Variants in ATXN2 observed in about 807,000 individuals in gnomAD.
The protein encoded by ATXN2 is ataxin 2.
In ATXN2, 37 loss-of-function variants were observed where a neutral mutation model predicts 138.6. The observed-to-expected ratio is 0.27, with a 90% confidence interval of 0.21 to 0.35. ATXN2 has a LOEUF of 0.35. ATXN2 is among the 10% of genes least tolerant of loss of function. The pLI, the probability that ATXN2 is intolerant of heterozygous loss-of-function variation, is 1.00. For missense variants in ATXN2, 1,216 were observed against 1,480.3 expected (o/e 0.82, Z 2.93); for synonymous variants, 549 against 543.7 (o/e 1.01, Z -0.13).
chr12:111,513,202 C>T (rs931280179), intron 11 of ATXN2, 155 bp downstream of exon 11: 7 of 799,608 alleles, frequency 8.8e-6, no homozygotes, highest in Non-Finnish European at 1.3e-5. Flanking sequence ...GTGGTAGAGC[C>T]CAGAATAAAA....
At chr12:111,565,995 C>CAAAA (rs879709372) in intron 1 of ATXN2, among the ~76,000 whole-genome samples, 1 of 105,950 alleles carries the variant, frequency 9.4e-6, no homozygotes. Flanking sequence ...GATTCTGTCT[C>CAAAA]AAAAAAAAAA....
At chr12:111,505,680 A>C (rs1879060480) in intron 14 of ATXN2, among the ~76,000 whole-genome samples, 2 of 152,246 alleles carry the variant, frequency 1.3e-5, no homozygotes, top group African/African-American at 2.4e-5. Context: ...ATAATCAAAA[A>C]AGACAAGACA....
chr12:111,584,377 CAAAAAAAAAAAAAAAAA>C (rs58678794), intron 1 of ATXN2, among the ~76,000 whole-genome samples: 2,520 of 44,980 alleles, frequency 0.056, 127 homozygotes, highest in African/African-American at 0.17. Flanking sequence ...GACCCTGTCT[CAAAAAAAAAAAAAAAAA>C]AAAAAAAAAA....
intron 5 of ATXN2, among the ~76,000 whole-genome samples, chr12:111,550,263 G>A (rs1182211442): frequency 6.6e-6 from 1 of 151,986 alleles, no homozygotes; most frequent in Non-Finnish European, 1.5e-5. Flanking sequence ...AATTATCTGA[G>A]AAATGAAGAT....
intron 5 of ATXN2, among the ~76,000 whole-genome samples, chr12:111,537,748 G>T (rs898408676): frequency 1.3e-5 from 2 of 152,062 alleles, no homozygotes; most frequent in Admixed American, 6.6e-5. Flanking sequence ...TTCTTTTCAG[G>T]GTGATGAAAA....
intron 13 of ATXN2, 112 bp from the exon 14 acceptor site, chr12:111,509,731 T>C: frequency 2.2e-6 from 2 of 928,910 alleles, no homozygotes; most frequent in Non-Finnish European, 3.3e-6. Flanking sequence ...AGAAAATAAT[T>C]TCAAATATTA....
intron 5 of ATXN2, among the ~76,000 whole-genome samples, chr12:111,533,212 T>G (rs987606930): frequency 2.0e-5 from 3 of 152,196 alleles, no homozygotes; most frequent in African/African-American, 7.2e-5. Flanking sequence ...TAAAGAATAG[T>G]GTTCTCCAAA....
At chr12:111,496,049 A>C (rs1045799371) in intron 14 of ATXN2, among the ~76,000 whole-genome samples, 3 of 151,584 alleles carry the variant, frequency 2.0e-5, no homozygotes, top group Admixed American at 2.0e-4. Flanking sequence ...AGCTACTTGG[A>C]AGGCTAAGGT....
At chr12:111,532,435 G>A (rs1036065311) in intron 5 of ATXN2, among the ~76,000 whole-genome samples, 2 of 152,136 alleles carry the variant, frequency 1.3e-5, no homozygotes, top group South Asian at 4.1e-4. Context: ...GGCTGAGACT[G>A]CACCACTGCA....
chr12:111,459,523 C>T (rs1466267576), intron 21 of ATXN2, among the ~76,000 whole-genome samples: 1 of 152,178 alleles, frequency 6.6e-6, no homozygotes, highest in African/African-American at 2.4e-5. Context: ...TCACTGCAAC[C>T]TCCGCCTCCC....
intron 2 of ATXN2, among the ~76,000 whole-genome samples, chr12:111,555,522 C>T (rs900413136): frequency 2.5e-4 from 38 of 152,142 alleles, no homozygotes; most frequent in Admixed American, 1.0e-3. Flanking sequence ...CAGCACTTCT[C>T]TCTCCTGTCG....
chr12:111,519,936 T>C lies in ATXN2; in HGVS notation c.929A>G (p.Lys310Arg). The change falls in exon 8 of 25, where the codon AAA becomes AGA. Residue 310 changes from lysine (K) to arginine (R), a missense_variant. By Grantham distance (26) the Lys-to-Arg change is conservative. Coordinates refer to ENST00000673436, the MANE Select transcript of ATXN2 (RefSeq NM_001372574.1). The part of the protein sequence containing the change: ...LENDDRSEEE[K>R]YTAVQRNSSE... Reference sequence around the variant, plus strand: ...GGAATTTCTCTGAACTGCTGTGTATTTTTCTTCCTCACTCCTATCATCATT... The same window carrying C: ...GGAATTTCTCTGAACTGCTGTGTATCTTTCTTCCTCACTCCTATCATCATT... 6.2e-7 allele frequency: 1 copy of C among 1,614,190 alleles called. No individual in the cohort carries two copies. Among genetic ancestry groups the C allele is most frequent in the Non-Finnish European group, 8.5e-7 (1 of 1,180,038 alleles).
chr12:111,576,907 G>A (rs1024557609), intron 1 of ATXN2, among the ~76,000 whole-genome samples: 13 of 151,824 alleles, frequency 8.6e-5, no homozygotes, highest in African/African-American at 2.2e-4. Context: ...GCAGTGAGCC[G>A]AGATCACGCC....
chr12:111,470,723 C>G lies in ATXN2; in HGVS notation c.2544G>C (p.Gln848His). The change falls in exon 19 of 25, where the codon CAG becomes CAC. Residue 848 changes from glutamine (Q) to histidine (H), a missense_variant. Coordinates refer to ENST00000673436, the MANE Select transcript of ATXN2 (RefSeq NM_001372574.1). ...CACTCTGATGATGCTGGTCTTGCCG[C>G]TGTTGGGGCATATTTGGTACTGCAG... is the stretch of plus-strand genomic sequence containing the variant. ...RAGKVPNMPQ[Q>H]RQDQHHQSAM... 6 of 1,614,048 alleles carry G rather than the reference C, an allele frequency of 3.7e-6. No homozygotes were observed. Among genetic ancestry groups the G allele is most frequent in the South Asian group, 1.1e-5 (1 of 91,064 alleles).
intron 5 of ATXN2, among the ~76,000 whole-genome samples, chr12:111,533,257 C>T (rs779053034): frequency 6.6e-5 from 10 of 152,200 alleles, no homozygotes; most frequent in Non-Finnish European, 1.3e-4. Flanking sequence ...CCAACACACA[C>T]TACAGTTGTC....
chr12:111,464,591 T>TC lies in ATXN2; in HGVS notation c.2896+70dup, dbSNP rs1408808172. On this transcript the variant is annotated intron_variant, in intron 21 of 24. Transcript: ENST00000673436. ...GGAAAATATTGTTCAACAAGTCTAC[T>TC]CCCTTAACATGTATCCTTTAAAAAG... 8 of 1,175,662 alleles carry TC rather than the reference T, an allele frequency of 6.8e-6. No individual in the cohort carries two copies. In the African/African-American group the frequency reaches 9.1e-5, roughly 13 times the overall value. The allele number at this position is 1,175,662 out of a possible 1,614,324, so 72.8% of individuals were successfully genotyped here.
intron 5 of ATXN2, among the ~76,000 whole-genome samples, chr12:111,545,572 G>T (rs1881761505): frequency 6.6e-6 from 1 of 151,606 alleles, no homozygotes; most frequent in Non-Finnish European, 1.5e-5. Context: ...TAAAAAAAAA[G>T]AAAAAGAAAA....
intron 5 of ATXN2, among the ~76,000 whole-genome samples, chr12:111,531,952 AT>A (rs767585328): frequency 1.1e-3 from 169 of 152,376 alleles, no homozygotes; most frequent in Non-Finnish European, 2.2e-3. Flanking sequence ...AACTAAAAAA[AT>A]CTGTTGGCAT....
At chr12:111,590,414 C>A (rs181009520) in intron 1 of ATXN2, among the ~76,000 whole-genome samples, 1 of 151,982 alleles carries the variant, frequency 6.6e-6, no homozygotes, top group Non-Finnish European at 1.5e-5. Context: ...GGGGGCCGGA[C>A]GCAGCAGCTC....
Sources: gnomAD v4.1 joint callset for allele counts (sites outside exome capture counted in the v4.1 genomes callset) on GRCh38, gnomAD v4.1.1 for gene constraint, MANE v1.5 for transcripts, NCBI Gene and HGNC (gene_info 2026-07-23, HGNC 2026-07-21) for gene names.